SHISA9: variants seen among roughly 807,000 people sequenced by gnomAD.
The protein encoded by SHISA9 is shisa family member 9.
SHISA9 carries 13 observed loss-of-function variants against 38.0 expected under a neutral mutation model. The observed-to-expected ratio is 0.34, with a 90% CI of 0.22 to 0.54. The LOEUF is 0.54. SHISA9 is among the 20% of genes least tolerant of loss of function. The pLI, the probability that SHISA9 is intolerant of heterozygous loss-of-function variation, is 0.91. For synonymous variants in SHISA9, 275 were observed against 242.0 expected (o/e 1.14, Z -1.27); for missense variants, 538 against 575.8 (o/e 0.93, Z 0.67).
chr16:13,331,461 A>G, the SHISA9 span: 2 of 152,160 alleles, frequency 1.3e-5, no homozygotes, highest in African/African-American at 2.4e-5. Flanking sequence ...ATGTCTTTAA[A>G]TATACCAAAC....
chr16:13,455,156 C>T, the SHISA9 span, among the ~76,000 whole-genome samples: 55 of 152,242 alleles, frequency 3.6e-4, no homozygotes, highest in African/African-American at 1.3e-3. Flanking sequence ...ATTTTATATA[C>T]ATACCTTAGT....
intron 2 of SHISA9, among the ~76,000 whole-genome samples, chr16:13,081,239 G>T (rs534209081): frequency 6.6e-6 from 1 of 152,196 alleles, no homozygotes; most frequent in Non-Finnish European, 1.5e-5. Context: ...CATTCTTTGT[G>T]ATCTGGACTT....
chr16:13,358,168 A>G, the SHISA9 span, among the ~76,000 whole-genome samples: 7 of 152,240 alleles, frequency 4.6e-5, no homozygotes, highest in African/African-American at 1.4e-4. Flanking sequence ...ACTACTAGCT[A>G]TGATTGGTAG....
At chr16:13,444,354 G>A in the SHISA9 span, among the ~76,000 whole-genome samples, 8 of 143,316 alleles carry the variant, frequency 5.6e-5, no homozygotes, top group African/African-American at 1.8e-4. Flanking sequence ...CTCAGTGACA[G>A]AGCAAGACTC....
intron 2 of SHISA9, among the ~76,000 whole-genome samples, chr16:13,131,223 T>C (rs532974326): frequency 1.4e-4 from 21 of 152,144 alleles, no homozygotes; most frequent in Non-Finnish European, 2.8e-4. Context: ...CAAATGGCCA[T>C]TGATGATAGA....
At chr16:13,548,723 A>C in the SHISA9 span, among the ~76,000 whole-genome samples, 3 of 152,116 alleles carry the variant, frequency 2.0e-5, no homozygotes, top group Admixed American at 2.0e-4. Flanking sequence ...ACACTGCCAG[A>C]GATGTGGAGA....
At chr16:12,983,182 GAATAT>G (rs1314819277) in intron 2 of SHISA9, among the ~76,000 whole-genome samples, 1 of 152,184 alleles carries the variant, frequency 6.6e-6, no homozygotes, top group Non-Finnish European at 1.5e-5. Context: ...GAAGTGTTCA[GAATAT>G]AATAGGCCCA....
chr16:13,361,673 A>T, the SHISA9 span, among the ~76,000 whole-genome samples: 16 of 152,246 alleles, frequency 1.1e-4, no homozygotes, highest in Admixed American at 3.9e-4. Flanking sequence ...TCTTCCACTC[A>T]TGTGCTGTTC....
chr16:13,535,760 A>ATG, the SHISA9 span, among the ~76,000 whole-genome samples: 1,066 of 152,302 alleles, frequency 7.0e-3, 16 homozygotes, highest in African/African-American at 0.024. Flanking sequence ...AGCCAGAATA[A>ATG]TGTTCTTAGG....
intron 2 of SHISA9, among the ~76,000 whole-genome samples, chr16:13,189,379 C>T (rs913757854): frequency 3.3e-5 from 5 of 152,196 alleles, no homozygotes; most frequent in African/African-American, 4.8e-5. Flanking sequence ...CTTAGCTTGA[C>T]GGAAGAAACA....
chr16:13,536,339 T>A, the SHISA9 span, among the ~76,000 whole-genome samples: 1 of 152,218 alleles, frequency 6.6e-6, no homozygotes, highest in African/African-American at 2.4e-5. Flanking sequence ...TTCCTCTACA[T>A]ATCCCTGTGG....
At chr16:13,215,539 A>C (rs1156987977) in intron 4 of SHISA9, among the ~76,000 whole-genome samples, 2 of 152,168 alleles carry the variant, frequency 1.3e-5, no homozygotes, top group Non-Finnish European at 2.9e-5. Flanking sequence ...CCCTGTGAAA[A>C]ACAAAGCCGT....
At chr16:13,029,257 T>C (rs2072962396) in intron 2 of SHISA9, among the ~76,000 whole-genome samples, 2 of 152,174 alleles carry the variant, frequency 1.3e-5, no homozygotes, top group South Asian at 4.1e-4. Context: ...AGTTGATGAA[T>C]GGATAAAGAA....
chr16:13,028,896 A>G (rs1339563980), intron 2 of SHISA9, among the ~76,000 whole-genome samples: 2 of 152,180 alleles, frequency 1.3e-5, no homozygotes, highest in Non-Finnish European at 2.9e-5. Context: ...TCAACACTTC[A>G]AAACTACATG....
chr16:13,394,187 C>T, the SHISA9 span, among the ~76,000 whole-genome samples: 2 of 152,170 alleles, frequency 1.3e-5, no homozygotes, highest in Non-Finnish European at 2.9e-5. Flanking sequence ...GAAACTAGTC[C>T]AGAGAGAATG....
chr16:13,457,078 G>A, the SHISA9 span, among the ~76,000 whole-genome samples: 2 of 152,206 alleles, frequency 1.3e-5, no homozygotes, highest in Non-Finnish European at 2.9e-5. Context: ...AGGCCAAGGC[G>A]GGCGGATCAC....
intron 2 of SHISA9, among the ~76,000 whole-genome samples, chr16:12,925,294 G>C (rs945308913): frequency 7.9e-5 from 12 of 152,046 alleles, no homozygotes; most frequent in Non-Finnish European, 1.5e-4. Context: ...CCTGTCTTAC[G>C]GTTTTCTTCT....
At chr16:13,302,210 TG>T in the SHISA9 span, among the ~76,000 whole-genome samples, 3 of 152,158 alleles carry the variant, frequency 2.0e-5, no homozygotes, top group Non-Finnish European at 4.4e-5. Context: ...ACCTCTTGTT[TG>T]TCCCCCCATT....
chr16:12,916,949 C>A, intron 2 of SHISA9, 134 bp downstream of exon 2: 7 of 1,046,102 alleles, frequency 6.7e-6, no homozygotes, highest in Non-Finnish European at 8.0e-6. Flanking sequence ...TCTTTCATGT[C>A]TTTTGGATGA....
Sources: allele counts gnomAD v4.1 joint callset (sites outside exome capture counted in the v4.1 genomes callset), GRCh38; gene constraint gnomAD v4.1.1; transcripts MANE v1.5; gene names NCBI Gene and HGNC (gene_info 2026-07-23, HGNC 2026-07-21).